The following EIF3E variants were observed in gnomAD, a reference collection of about 807,000 sequenced individuals.
EIF3E encodes eukaryotic translation initiation factor 3 subunit E, also known as eIF-3 p48.
EIF3E carries 25 observed loss-of-function variants against 59.3 expected under a neutral mutation model. The observed-to-expected ratio is 0.42, with a 90% CI of 0.31 to 0.59. EIF3E has a LOEUF of 0.59. Ranked by LOEUF, EIF3E falls within the 20% of genes least tolerant of loss-of-function variation. The pLI is 0.15. For synonymous variants in EIF3E, 176 were observed against 170.2 expected (o/e 1.03, Z -0.26); for missense variants, 317 against 534.3 (o/e 0.59, Z 4.01).
At chr8:108,203,955 C>T (rs1815043571) in intron 10 of EIF3E, among the ~76,000 whole-genome samples, 1 of 151,768 alleles carries the variant, frequency 6.6e-6, no homozygotes, top group Non-Finnish European at 1.5e-5. Context: ...AAAAAGAATA[C>T]AAAAATAATA....
chr8:108,204,744 TATAG>T (rs1166345746), intron 10 of EIF3E, among the ~76,000 whole-genome samples: 26 of 102,690 alleles, frequency 2.5e-4, no homozygotes, highest in South Asian at 1.3e-3. Flanking sequence ...TATATATATA[TATAG>T]AGAGAGAGAG....
At chr8:108,225,778 A>G (rs780009281) in intron 7 of EIF3E, among the ~76,000 whole-genome samples, 3 of 151,498 alleles carry the variant, frequency 2.0e-5, no homozygotes, top group Non-Finnish European at 2.9e-5. Context: ...ATCACAACAG[A>G]CTGCAAGAAA....
At chr8:108,242,372 T>C (rs1169434612) in intron 1 of EIF3E, 4 of 1,289,336 alleles carry the variant, frequency 3.1e-6, no homozygotes, top group African/African-American at 1.5e-5. Context: ...AAGTCAACCA[T>C]GTCAGATCAG....
At chr8:108,203,201 G>C in intron 11 of EIF3E, 84 bp from the exon 12 acceptor site, 2 of 1,500,222 alleles carry the variant, frequency 1.3e-6, no homozygotes, top group Non-Finnish European at 1.8e-6. Context: ...ATACCTTTGC[G>C]CATATTTTAA....
At position 108,247,811 on chromosome 8, in the gene EIF3E, C is replaced by A. The variant is rs181847301; in HGVS notation, c.90+802G>T. ...ATGCATCAATTTCCCAATAAACTCA[C>A]GGTATAACTAATGTCAATTTTCTTT... On this transcript the variant is annotated intron_variant, in intron 1 of 12. Coordinates refer to ENST00000220849, the MANE Select transcript of EIF3E (RefSeq NM_001568.3). Among the ~76,000 whole-genome samples the A allele has an allele frequency of 3.6e-4, 55 of 152,266 alleles. No individual in the cohort carries two copies. The East Asian group carries it at 7.1e-3, about 20-fold the overall frequency.
At chr8:108,229,249 T>C in intron 5 of EIF3E, 54 bp from the exon 6 acceptor site, 3 of 1,575,320 alleles carry the variant, frequency 1.9e-6, no homozygotes, top group Non-Finnish European at 1.7e-6. Flanking sequence ...AAAATGAACA[T>C]AATGTATGTT....
At position 108,234,753 on chromosome 8, in the gene EIF3E, A is replaced by G. The variant is rs549893637; in HGVS notation, c.471+245T>C. 2.4e-5 allele frequency: 7 copies of G among 292,424 alleles called. No individual in the cohort carries two copies. The East Asian group carries it at 3.8e-4, about 16-fold the overall frequency. 18.1% of individuals were successfully genotyped at this position (292,424 alleles called of 1,614,324 possible). A position where few individuals can be genotyped will look rare whatever the true frequency, so the allele number is the denominator to read the frequency against. On this transcript the variant is annotated intron_variant, in intron 5 of 12. Coordinates refer to ENST00000220849, the MANE Select transcript of EIF3E (RefSeq NM_001568.3). Reference sequence around the variant, plus strand: ...GATTCTGTTAATGCTAAAAATCATAAAATTGTTCCTACTTTTGGATTTCAA... The same window carrying G: ...GATTCTGTTAATGCTAAAAATCATAGAATTGTTCCTACTTTTGGATTTCAA...
chr8:108,239,009 TA>T (rs1360687839), intron 3 of EIF3E, among the ~76,000 whole-genome samples: 4 of 152,084 alleles, frequency 2.6e-5, no homozygotes, highest in African/African-American at 9.7e-5. Context: ...TATTTGTAGG[TA>T]AAGGGAAGTT....
rs79310882 is a variant in EIF3E at position 108,233,009 on chromosome 8, C to T, written c.471+1989G>A. Among the ~76,000 whole-genome samples the T allele has an allele frequency of 8.8e-3, 1,340 of 152,230 alleles. 35 individuals carry two copies. The highest frequency in any genetic ancestry group is 0.031 in the African/African-American group (1,274 of 41,542). The stretch of plus-strand genomic sequence containing the variant: ...ATACCAGGCTTCTGATTTTACAATC[C>T]GGGTTTAAGCTGTTTACATTTCCAA... On this transcript the variant is annotated intron_variant, in intron 5 of 12. Coordinates refer to ENST00000220849, the MANE Select transcript of EIF3E (RefSeq NM_001568.3).
At chr8:108,235,198 T>A in intron 4 of EIF3E, 96 bp from the exon 5 acceptor site, 2 of 632,596 alleles carry the variant, frequency 3.2e-6, no homozygotes, top group Non-Finnish European at 5.1e-6. Context: ...TATGAATGTT[T>A]AAGTCACCAA....
chr8:108,213,490 C>CA (rs1815248178), intron 10 of EIF3E, among the ~76,000 whole-genome samples: 1 of 152,052 alleles, frequency 6.6e-6, no homozygotes, highest in African/African-American at 2.4e-5. Context: ...AGTTCTGGAC[C>CA]AAAAAGCACC....
In EIF3E at chr8:108,240,364, G is replaced by C. The variant is rs138266236; in HGVS notation, c.206-289C>G. ...GACAGAGGGATGTGAAAGAAAAAAA[G>C]GGTAGGACCCAATTATCTATCATTT... On this transcript the variant is annotated intron_variant, in intron 2 of 12. Coordinates refer to ENST00000220849, the MANE Select transcript of EIF3E (RefSeq NM_001568.3). 2.0e-5 allele frequency among the ~76,000 whole-genome samples: 3 copies of C among 152,246 alleles called. No individual in the cohort carries two copies. The East Asian group carries it at 5.8e-4, about 29-fold the overall frequency.
Position 108,201,266 on chromosome 8 carries a change from T to TATATATATATA in EIF3E, c.*618_*619insTATATATATAT, listed in dbSNP as rs1491099959. On this transcript the variant is annotated 3_prime_UTR_variant, in exon 13 of 13. Transcript: ENST00000220849. ...ACTACTGATCATATATATATATATA[T>TATATATATATA]CTATCTCTCAACTTGGATGGCTCTC... is the stretch of plus-strand genomic sequence containing the variant. 7 of 136,154 alleles carry TATATATATATA rather than the reference T, an allele frequency of 5.1e-5. No individual in the cohort carries two copies. The highest frequency in any genetic ancestry group is 2.1e-4 in the African/African-American group (6 of 29,164). The allele number at this position is 136,154 out of a possible 1,614,324, so 8.4% of individuals were successfully genotyped here.
intron 10 of EIF3E, among the ~76,000 whole-genome samples, chr8:108,213,396 TAC>T (rs934983067): frequency 2.0e-5 from 3 of 152,134 alleles, no homozygotes; most frequent in African/African-American, 7.2e-5. Context: ...TATTAGGTGC[TAC>T]AAAGTTAGTA....
chr8:108,237,813 A>C (rs939343962), intron 3 of EIF3E, among the ~76,000 whole-genome samples: 2 of 152,242 alleles, frequency 1.3e-5, no homozygotes, highest in African/African-American at 4.8e-5. Context: ...TCACGTATAT[A>C]ATCACTGTCC....
chr8:108,221,409 T>C (rs1201365802), intron 7 of EIF3E: 1 of 152,214 alleles, frequency 6.6e-6, no homozygotes, highest in Non-Finnish European at 1.5e-5. Context: ...GACAGTTGCT[T>C]TCCTGTCAGT....
chr8:108,241,655 C>A, intron 2 of EIF3E, 144 bp downstream of exon 2: 1 of 448,194 alleles, frequency 2.2e-6, no homozygotes. Flanking sequence ...GATATGAAAC[C>A]TTTATATAAC....
At chr8:108,241,766 A>C in intron 2 of EIF3E, 33 bp downstream of exon 2, 1 of 1,346,012 alleles carries the variant, frequency 7.4e-7, no homozygotes, top group African/African-American at 1.5e-5. Flanking sequence ...CTCAAGTCAC[A>C]AGACAAGTTT....
intron 6 of EIF3E, 69 bp downstream of exon 6, chr8:108,229,001 T>C (rs1314984767): frequency 7.1e-7 from 1 of 1,411,282 alleles, no homozygotes; most frequent in Non-Finnish European, 9.3e-7. Context: ...GCATAGTGAT[T>C]TTCCTCATCA....
Sources: gnomAD v4.1 joint callset for allele counts (sites outside exome capture counted in the v4.1 genomes callset) on GRCh38, gnomAD v4.1.1 for gene constraint, MANE v1.5 for transcripts, NCBI Gene and HGNC (gene_info 2026-07-23, HGNC 2026-07-21) for gene names.